SKAP1: variants seen among roughly 807,000 people sequenced by gnomAD.
The protein encoded by SKAP1 is src kinase associated phosphoprotein 1.
Under a neutral mutation model 58.5 loss-of-function variants are expected in SKAP1, and 44 were observed. The observed-to-expected ratio is 0.75, with a 90% CI of 0.59 to 0.97. The LOEUF (loss-of-function observed/expected upper bound fraction) is 0.97. Ranked by LOEUF, SKAP1 falls within the 50% of genes least tolerant of loss-of-function variation. The pLI is 0.00. For missense variants in SKAP1, 390 were observed against 435.2 expected (o/e 0.90, Z 0.92); for synonymous variants, 127 against 149.7 (o/e 0.85, Z 1.11).
At chr17:48,334,159 G>A (rs1451505426) in intron 4 of SKAP1, among the ~76,000 whole-genome samples, 1 of 151,806 alleles carries the variant, frequency 6.6e-6, no homozygotes, top group Non-Finnish European at 1.5e-5. Context: ...CCTTCTTATA[G>A]CTACACAAGT....
At chr17:48,405,525 A>T (rs1167587249) in intron 1 of SKAP1, among the ~76,000 whole-genome samples, 1 of 128,054 alleles carries the variant, frequency 7.8e-6, no homozygotes, top group African/African-American at 3.0e-5. Flanking sequence ...TTTTTGAGAC[A>T]GAGTTTCACT....
the SKAP1 span, among the ~76,000 whole-genome samples, chr17:48,441,650 T>C: frequency 2.6e-5 from 4 of 152,098 alleles, no homozygotes; most frequent in Admixed American, 2.6e-4. Context: ...TCTAAGGCCA[T>C]TGAGGAGAGT....
chr17:48,298,205 A>G (rs2066006772), intron 4 of SKAP1, among the ~76,000 whole-genome samples: 1 of 152,232 alleles, frequency 6.6e-6, no homozygotes, highest in East Asian at 1.9e-4. Context: ...GCTATTGGTC[A>G]TCTAAAGTTT....
At chr17:48,233,082 G>A (rs1453950654) in intron 4 of SKAP1, among the ~76,000 whole-genome samples, 1 of 152,146 alleles carries the variant, frequency 6.6e-6, no homozygotes, top group Non-Finnish European at 1.5e-5. Flanking sequence ...CCTGATCATG[G>A]AAAACAGCAA....
intron 4 of SKAP1, among the ~76,000 whole-genome samples, chr17:48,202,883 AC>A (rs1451972754): frequency 6.6e-6 from 1 of 152,246 alleles, no homozygotes; most frequent in Non-Finnish European, 1.5e-5. Context: ...ACATTCTGCT[AC>A]ACTGTGGTTG....
chr17:48,220,871 A>G (rs1362584423), intron 4 of SKAP1, among the ~76,000 whole-genome samples: 6 of 119,038 alleles, frequency 5.0e-5, no homozygotes, highest in African/African-American at 1.6e-4. Flanking sequence ...AAAAAAAAAA[A>G]AAAAAAGAAA....
chr17:48,398,294 T>C (rs1053906782), intron 1 of SKAP1, among the ~76,000 whole-genome samples: 2 of 151,990 alleles, frequency 1.3e-5, no homozygotes, highest in Non-Finnish European at 2.9e-5. Flanking sequence ...TTGTGAACTG[T>C]GTATGTGAGG....
At chr17:48,445,023 G>T in the SKAP1 span, among the ~76,000 whole-genome samples, 3 of 152,098 alleles carry the variant, frequency 2.0e-5, no homozygotes, top group Non-Finnish European at 4.4e-5. Context: ...CCAGGCAATC[G>T]ACAGGAGAAG....
chr17:48,140,560 A>G (rs1316068285), intron 11 of SKAP1, among the ~76,000 whole-genome samples: 2 of 152,098 alleles, frequency 1.3e-5, no homozygotes, highest in African/African-American at 2.4e-5. Flanking sequence ...CTGGACCCCA[A>G]TAGCCAAGTG....
intron 9 of SKAP1, among the ~76,000 whole-genome samples, chr17:48,172,220 T>G (rs987067184): frequency 6.6e-6 from 1 of 152,218 alleles, no homozygotes; most frequent in Non-Finnish European, 1.5e-5. Flanking sequence ...TTATTCAGCA[T>G]GTCTTGTTCA....
intron 11 of SKAP1, among the ~76,000 whole-genome samples, chr17:48,144,476 G>A (rs1030736714): frequency 2.6e-5 from 4 of 152,042 alleles, no homozygotes; most frequent in East Asian, 1.9e-4. Context: ...ACCACCAAAC[G>A]TTTATTTCAC....
At chr17:48,395,134 T>C (rs77938669) in intron 2 of SKAP1, among the ~76,000 whole-genome samples, 2,716 of 152,262 alleles carry the variant, frequency 0.018, 70 homozygotes, top group African/African-American at 0.06. Flanking sequence ...CAAATTCAGC[T>C]TGCGTGTGTG....
intron 2 of SKAP1, among the ~76,000 whole-genome samples, chr17:48,382,208 G>A (rs1156656307): frequency 6.6e-6 from 1 of 152,000 alleles, no homozygotes; most frequent in Non-Finnish European, 1.5e-5. Context: ...CCACATGGGG[G>A]GAGGGGAAGG....
At chr17:48,191,278 G>A (rs6504092) in intron 4 of SKAP1, among the ~76,000 whole-genome samples, 148,202 of 152,356 alleles carry the variant, frequency 0.97, 72,096 homozygotes, top group East Asian at 1. Context: ...CTCTTTTAAG[G>A]ACACACTCCA....
intron 2 of SKAP1, chr17:48,382,432 T>A (rs1424562384): frequency 6.6e-6 from 1 of 152,232 alleles, no homozygotes; most frequent in African/African-American, 2.4e-5. Flanking sequence ...TGATTGTCAA[T>A]GGCAAATGGC....
At chr17:48,367,560 C>A (rs2067023372) in intron 2 of SKAP1, among the ~76,000 whole-genome samples, 1 of 136,798 alleles carries the variant, frequency 7.3e-6, no homozygotes, top group African/African-American at 2.7e-5. Flanking sequence ...GGATATATAT[C>A]CATATATATA....
Position 48,247,090 on chromosome 17 carries a change from C to G in SKAP1, c.281-57590G>C, listed in dbSNP as rs141645613. On this transcript the variant is annotated intron_variant, in intron 4 of 12. Coordinates refer to ENST00000336915, the MANE Select transcript of SKAP1 (RefSeq NM_003726.4). ...GCACAATAAATAAATACCTCCACAT[C>G]TGCAGAAAAGTGTCACTATACCTAA... Among the ~76,000 whole-genome samples the G allele has an allele frequency of 2.6e-5, 4 of 152,342 alleles. No homozygotes were observed. In the East Asian group the frequency reaches 7.7e-4, roughly 29 times the overall value.
rs763564176 is a variant in SKAP1 at position 48,162,505 on chromosome 17, G to A, written c.942C>T (p.Ser314=). 2 of 1,614,026 alleles carry A rather than the reference G, an allele frequency of 1.2e-6. No homozygotes were observed. Among genetic ancestry groups the A allele is most frequent in the South Asian group, 2.2e-5 (2 of 91,060 alleles). ...DCHGDQPDEL[S]FQRGDLIRIL... ...TACGGATGAGGTCACCCCGTTGGAA[G>A]GACAGTTCATCTGGCTGGTCACCAT... Residue 314 remains serine, a synonymous_variant, in exon 11 of 13, where the codon TCC becomes TCT. Transcript: ENST00000336915.
At chr17:48,310,936 C>T (rs779303531) in intron 4 of SKAP1, among the ~76,000 whole-genome samples, 9 of 152,140 alleles carry the variant, frequency 5.9e-5, no homozygotes, top group Non-Finnish European at 1.0e-4. Context: ...AACTAAATAA[C>T]TGTGTTGCCA....
Sources: allele counts gnomAD v4.1 joint callset (sites outside exome capture counted in the v4.1 genomes callset), GRCh38; gene constraint gnomAD v4.1.1; transcripts MANE v1.5; gene names NCBI Gene and HGNC (gene_info 2026-07-23, HGNC 2026-07-21).